The following HSPA8 variants were observed in gnomAD, a reference collection of about 807,000 sequenced individuals.
The protein encoded by HSPA8 is heat shock protein family A (Hsp70) member 8, also known as heat shock cognate 71 kDa protein.
A neutral mutation model predicts 52.8 loss-of-function variants in HSPA8; 2 were observed. The observed-to-expected ratio is 0.04, with a 90% CI of 0.02 to 0.12. HSPA8 has a LOEUF of 0.12. Among genes scored for constraint, HSPA8 ranks in the 10% least tolerant of loss-of-function variants. HSPA8 has a pLI of 1.00. For synonymous variants in HSPA8, 436 were observed against 274.0 expected, an observed-to-expected ratio of 1.59 and a Z score of -5.84; for missense variants, 349 against 800.5, an observed-to-expected ratio of 0.44 and a Z score of 6.81.
rs1865437881 is a variant in HSPA8 at position 123,059,786 on chromosome 11, A to C, written c.807T>G (p.Arg269=). The change falls in exon 5 of 9, where the codon CGT becomes CGG. Residue 269 remains arginine, a synonymous_variant. Transcript: ENST00000534624. ...TGCTGGAAGAGAGGGTACGCTTAGC[A>C]CGTTCACAAGCAGTACGGAGGCGTC... ...AVRRLRTACE[R]AKRTLSSSTQ... 6.2e-7 allele frequency: 1 copy of C among 1,613,920 alleles called. No homozygotes were observed. The highest frequency in any genetic ancestry group is 2.2e-5 in the East Asian group (1 of 44,876).
chr11:123,061,384 A>C, intron 1 of HSPA8, 55 bp from the exon 2 acceptor site: 1 of 1,329,982 alleles, frequency 7.5e-7, no homozygotes, highest in Admixed American at 1.9e-5. Context: ...TATTTCCCTC[A>C]TCCCTTAACA....
upstream of HSPA8, chr11:123,062,426 C>T (rs1220610759): frequency 2.6e-5 from 4 of 152,328 alleles, no homozygotes; most frequent in Admixed American, 6.5e-5. Context: ...GCAGCGAGTC[C>T]GCGCGCGGGA....
intron 5 of HSPA8, 50 bp from the exon 6 acceptor site, chr11:123,059,311 C>T (rs376826236): frequency 1.3e-6 from 2 of 1,509,082 alleles, no homozygotes; most frequent in Admixed American, 3.5e-5. Flanking sequence ...AAACCCAGTA[C>T]ATAGCTCCTG....
At chr11:123,058,226 G>GAAGAAA in intron 8 of HSPA8, 26 bp downstream of exon 8, 1 of 1,012,454 alleles carries the variant, frequency 9.9e-7, no homozygotes, top group Non-Finnish European at 1.4e-6. Flanking sequence ...AGTGGGGGAG[G>GAAGAAA]AAAAAAAAAA....
chr11:123,058,706 T>C lies in HSPA8; in HGVS notation c.1448A>G (p.Asn483Ser). 3 of 1,613,710 alleles carry C rather than the reference T, an allele frequency of 1.9e-6. No individual in the cohort carries two copies. Among genetic ancestry groups the C allele is most frequent in the Non-Finnish European group, 1.7e-6 (2 of 1,179,706 alleles). The change falls in exon 7 of 9, where the codon AAT (asparagine) becomes AGT (serine). Residue 483 changes from asparagine (N) to serine (S), a missense_variant. Coordinates refer to ENST00000534624, the MANE Select transcript of HSPA8 (RefSeq NM_006597.6). ...QIEVTFDIDA[N>S]GILNVSAVDK... The stretch of plus-strand genomic sequence containing the variant: ...CACAGCAGAGACATTGAGTATACCA[T>C]TGGCATCAATGTCAAAAGTGACTTC...
chr11:123,059,309 T>C lies in HSPA8; in HGVS notation c.1121-48A>G, dbSNP rs1468085807. Reference sequence around the variant, plus strand: ...TAAAAGAAGTTAAAAGAAAACCCAGTACATAGCTCCTGTTTTAACTATCAC... The same window carrying C: ...TAAAAGAAGTTAAAAGAAAACCCAGCACATAGCTCCTGTTTTAACTATCAC... On this transcript the variant is annotated intron_variant, in intron 5 of 8. Transcript: ENST00000534624. 2.6e-6 allele frequency: 4 copies of C among 1,510,650 alleles called. No homozygotes were observed. The African/African-American group carries it at 4.2e-5, about 16-fold the overall frequency. 93.6% of individuals were successfully genotyped at this position (1,510,650 alleles called of 1,614,324 possible). A position where few individuals can be genotyped will look rare whatever the true frequency, so the allele number is the denominator to read the frequency against.
At chr11:123,061,354 A>G (rs754472638) in intron 1 of HSPA8, 25 bp from the exon 2 acceptor site, 6 of 1,558,410 alleles carry the variant, frequency 3.9e-6, no homozygotes, top group Non-Finnish European at 5.3e-6. Flanking sequence ...AATCTGGTTT[A>G]AAAATTCAAT....
At chr11:123,061,564 G>A in intron 1 of HSPA8, 1 of 559,962 alleles carries the variant, frequency 1.8e-6, no homozygotes, top group Non-Finnish European at 3.2e-6. Flanking sequence ...ACGGCGTGGG[G>A]CGTTGCTCAA....
intron 8 of HSPA8, 58 bp downstream of exon 8, chr11:123,058,194 A>G: frequency 9.1e-7 from 1 of 1,104,882 alleles, no homozygotes; most frequent in Non-Finnish European, 1.3e-6. Context: ...AGCTTGGTTT[A>G]CCATCCCCTT....
chr11:123,061,670 T>C (rs998097346), intron 1 of HSPA8: 11 of 350,752 alleles, frequency 3.1e-5, no homozygotes, highest in Admixed American at 1.3e-4. Context: ...TACTCCGGAA[T>C]GTACCCCCAT....
At chr11:123,058,554 G>C (rs1001112689) in intron 7 of HSPA8, 70 bp from the exon 8 acceptor site, 12 of 1,567,462 alleles carry the variant, frequency 7.7e-6, no homozygotes, top group Middle Eastern at 3.3e-4. Flanking sequence ...GTTTCTCTTA[G>C]CTAGACGCCC....
chr11:123,060,808 G>A lies in HSPA8; in HGVS notation c.206-10C>T, dbSNP rs1411841216. On this transcript the variant is annotated splice_polypyrimidine_tract_variant and intron_variant, in intron 2 of 8. Transcript: ENST00000534624. ...ATCAGACGTTTGGCATCTGTAAAAG[G>A]TGTCAAATGAAAACACTTTCAATTT... 18 of 1,601,262 alleles carry A rather than the reference G, an allele frequency of 1.1e-5. No homozygotes were observed. Among genetic ancestry groups the A allele is most frequent in the East Asian group, 2.2e-5 (1 of 44,808 alleles).
chr11:123,057,769 C>T lies in HSPA8; in HGVS notation c.1906G>A (p.Ala636Thr). The change falls in exon 9 of 9, where the codon GCT becomes ACT. Residue 636 changes from alanine (A) to threonine (T), a missense_variant. Physicochemically the swap from Ala to Thr is moderately conservative, Grantham distance 58. Transcript: ENST00000534624. ...PGGGAPPSGG[A>T]SSGPTIEEVD ...TCTTCAATGGTGGGCCCTGAGGAAG[C>T]ACCACCAGAGGGAGGAGCTCCACCA... 1.2e-6 allele frequency: 2 copies of T among 1,613,282 alleles called. No individual in the cohort carries two copies. Among genetic ancestry groups the T allele is most frequent in the Non-Finnish European group, 8.5e-7 (1 of 1,179,632 alleles).
upstream of HSPA8, chr11:123,062,227 C>G (rs1336652107): frequency 1.3e-5 from 2 of 153,002 alleles, no homozygotes; most frequent in African/African-American, 4.8e-5. Context: ...TACGGCTTCC[C>G]CGGCCAATAG....
chr11:123,060,343 T>A, intron 3 of HSPA8, 75 bp from the exon 4 acceptor site: 8 of 1,409,160 alleles, frequency 5.7e-6, no homozygotes, highest in East Asian at 2.3e-5. Context: ...AATGGATTAA[T>A]GCTGGTGAAA....
rs747430342 is a variant in HSPA8, at chr11:123,061,069, T to C, written c.205+51A>G. 3.9e-5 allele frequency: 59 copies of C among 1,500,774 alleles called. 1 individual carries two copies. Among genetic ancestry groups the C allele is most frequent in the East Asian group, 2.5e-4 (11 of 44,296 alleles). 93.0% of individuals were successfully genotyped at this position (1,500,774 alleles called of 1,614,324 possible). A position where few individuals can be genotyped will look rare whatever the true frequency, so the allele number is the denominator to read the frequency against. On this transcript the variant is annotated intron_variant, in intron 2 of 8. Transcript: ENST00000534624. ...CCTCCTCACGTTTCATAAACTTTTGTGCTTCCTAGCCCTGTTATATTTGTT... is the reference window on the plus strand; with the variant it reads ...CCTCCTCACGTTTCATAAACTTTTGCGCTTCCTAGCCCTGTTATATTTGTT...
chr11:123,061,373 A>C (rs779121779), intron 1 of HSPA8, 44 bp from the exon 2 acceptor site: 1 of 1,433,802 alleles, frequency 7.0e-7, no homozygotes, highest in African/African-American at 1.4e-5. Context: ...ATTAATCAAA[A>C]TATTTCCCTC....
In HSPA8 at chr11:123,061,114, A is replaced by G; in HGVS notation, c.205+6T>C. 3 of 1,609,774 alleles carry G rather than the reference A, an allele frequency of 1.9e-6. No individual in the cohort carries two copies. The highest frequency in any genetic ancestry group is 2.6e-6 in the Non-Finnish European group (3 of 1,176,096). ...TTTGTTCTGTCATTTAAAATTAGGA[A>G]CTCACCAAAAACTGTGTTGGTGGGG... On this transcript the variant is annotated splice_donor_region_variant and intron_variant, in intron 2 of 8. Transcript: ENST00000534624.
Position 123,058,351 on chromosome 11 carries a change from A to G in HSPA8, c.1656T>C (p.Thr552=). The part of the protein sequence containing the change: ...LESYAFNMKA[T]VEDEKLQGKI... ...TGCCTTGAAGTTTCTCATCTTCAACAGTTGCTTTCATGTTGAAGGCATAGG... is the reference window on the plus strand; with the variant it reads ...TGCCTTGAAGTTTCTCATCTTCAACGGTTGCTTTCATGTTGAAGGCATAGG... The change falls in exon 8 of 9, where the codon ACT becomes ACC. Residue 552 remains threonine (T), a synonymous_variant. Transcript: ENST00000534624. 1 of 1,613,358 alleles carries G rather than the reference A, an allele frequency of 6.2e-7. No homozygotes were observed. The highest frequency in any genetic ancestry group is 1.3e-5 in the African/African-American group (1 of 75,014).
Sources: gnomAD v4.1 joint callset for allele counts on GRCh38, gnomAD v4.1.1 for gene constraint, MANE v1.5 for transcripts, NCBI Gene and HGNC (gene_info 2026-07-23, HGNC 2026-07-21) for gene names.